TIAM1: variants seen among roughly 807,000 people sequenced by gnomAD.
The protein encoded by TIAM1 is rho guanine nucleotide exchange factor TIAM1.
In TIAM1, 65 loss-of-function variants were observed where a neutral mutation model predicts 163.5. That is an observed-to-expected ratio of 0.40 (90% CI 0.33 to 0.49). The LOEUF is 0.49. Among genes scored for constraint, TIAM1 ranks in the 20% least tolerant of loss-of-function variants. The pLI is 0.77. For synonymous variants in TIAM1, 833 were observed against 810.1 expected, an observed-to-expected ratio of 1.03 and a Z score of -0.48; for missense variants, 1,789 against 2,044.7, an observed-to-expected ratio of 0.87 and a Z score of 2.41.
At chr21:31,496,530 C>A (rs954043412) in intron 1 of TIAM1, among the ~76,000 whole-genome samples, 1 of 146,630 alleles carries the variant, frequency 6.8e-6, no homozygotes, top group Non-Finnish European at 1.5e-5. Flanking sequence ...ATGTTTTAAA[C>A]AGGTTACAAC....
At chr21:31,166,365 G>C (rs926477321) in intron 15 of TIAM1, among the ~76,000 whole-genome samples, 3 of 152,214 alleles carry the variant, frequency 2.0e-5, no homozygotes, top group Non-Finnish European at 4.4e-5. Flanking sequence ...TGATGCTTTA[G>C]ATGAAAGATT....
intron 23 of TIAM1, 84 bp downstream of exon 23, chr21:31,135,849 A>G (rs1019511034): frequency 5.5e-6 from 7 of 1,275,474 alleles, no homozygotes; most frequent in African/African-American, 2.9e-5. Flanking sequence ...TTTTTAATCA[A>G]TTGGGTCTTG....
chr21:31,312,429 T>C (rs2074964206), intron 2 of TIAM1, among the ~76,000 whole-genome samples: 1 of 152,132 alleles, frequency 6.6e-6, no homozygotes, highest in Admixed American at 6.5e-5. Flanking sequence ...ATACGCAGCA[T>C]GTAGTGGCAG....
At chr21:31,524,146 A>T (rs1397578946) in intron 1 of TIAM1, among the ~76,000 whole-genome samples, 2 of 152,168 alleles carry the variant, frequency 1.3e-5, no homozygotes, top group Non-Finnish European at 2.9e-5. Context: ...CATTGCTGTA[A>T]GGAAATACCT....
At chr21:31,176,798 G>A (rs2084785553) in intron 15 of TIAM1, among the ~76,000 whole-genome samples, 1 of 151,762 alleles carries the variant, frequency 6.6e-6, no homozygotes, top group South Asian at 2.1e-4. Flanking sequence ...GGAAGAGTTG[G>A]TGACCTAAGG....
rs752350395 is a variant in TIAM1 at position 31,241,873 on chromosome 21, G to T, written c.1584+3615C>A. Among the ~76,000 whole-genome samples, 3 of 152,074 alleles carry T rather than the reference G, an allele frequency of 2.0e-5. No individual in the cohort carries two copies. The East Asian group carries it at 5.8e-4, about 29-fold the overall frequency. On this transcript the variant is annotated intron_variant, in intron 6 of 27. Coordinates refer to ENST00000541036, the MANE Select transcript of TIAM1 (RefSeq NM_001353694.2). ...TATTTTTAAAAAATCAGCCAGGTGT[G>T]GTGGTGTACACCTGTAGTCCCAGCT...
At chr21:31,140,920 C>G (rs557417944) in intron 22 of TIAM1, among the ~76,000 whole-genome samples, 198 bp downstream of exon 22, 153 of 152,164 alleles carry the variant, frequency 1.0e-3, no homozygotes, top group Non-Finnish European at 1.8e-3. Flanking sequence ...ACATTTCCTA[C>G]AGGAAGAAAT....
upstream of TIAM1, among the ~76,000 whole-genome samples, chr21:31,344,581 AATGT>A (rs1301225440): frequency 6.6e-6 from 1 of 152,226 alleles, no homozygotes; most frequent in Admixed American, 6.5e-5. Context: ...AAAGGCCAGC[AATGT>A]TACATAAGCG....
chr21:31,363,210 C>G (rs927793867), intron 2 of TIAM1, among the ~76,000 whole-genome samples: 3 of 152,082 alleles, frequency 2.0e-5, no homozygotes, highest in African/African-American at 7.2e-5. Flanking sequence ...TCAAGCTGGC[C>G]TGAGAAGAAC....
upstream of TIAM1, among the ~76,000 whole-genome samples, chr21:31,348,967 C>T (rs1363519227): frequency 6.6e-6 from 1 of 152,104 alleles, no homozygotes; most frequent in African/African-American, 2.4e-5. Context: ...AATACAGGGC[C>T]AGCCAAAAAG....
chr21:31,129,821 AG>A (rs776690434), intron 25 of TIAM1, among the ~76,000 whole-genome samples: 13 of 152,216 alleles, frequency 8.5e-5, no homozygotes, highest in South Asian at 2.1e-4. Context: ...CTCAGTTGAA[AG>A]GCAAGTGAGT....
At chr21:31,130,180 T>A in intron 25 of TIAM1, 33 bp downstream of exon 25, 1 of 1,561,366 alleles carries the variant, frequency 6.4e-7, no homozygotes, top group South Asian at 1.1e-5. Context: ...CAGAAATATG[T>A]GTGTGAAATA....
intron 4 of TIAM1, among the ~76,000 whole-genome samples, chr21:31,254,909 G>A (rs2072010559): frequency 6.6e-6 from 1 of 152,144 alleles, no homozygotes; most frequent in African/African-American, 2.4e-5. Context: ...ACTCTCAAGG[G>A]CGTGTCTCAT....
chr21:31,244,006 G>T (rs573747714), intron 6 of TIAM1, among the ~76,000 whole-genome samples: 1 of 152,212 alleles, frequency 6.6e-6, no homozygotes. Context: ...GGTTGGGGAA[G>T]GTGGCTTAGG....
intron 2 of TIAM1, among the ~76,000 whole-genome samples, chr21:31,366,731 C>A (rs2147146242): frequency 6.6e-6 from 1 of 152,338 alleles, no homozygotes; most frequent in Middle Eastern, 3.4e-3. Context: ...ATTCTCCTGC[C>A]TCAACCTCCC....
intron 2 of TIAM1, among the ~76,000 whole-genome samples, chr21:31,461,249 C>T (rs1167674788): frequency 6.6e-6 from 1 of 151,896 alleles, no homozygotes; most frequent in African/African-American, 2.4e-5. Flanking sequence ...TTTGCGAGGC[C>T]GAGGCGGGCA....
Position 31,225,908 on chromosome 21 carries a change from G to C in TIAM1, c.1627C>G (p.His543Asp). 1 of 1,614,138 alleles carries C rather than the reference G, an allele frequency of 6.2e-7. No homozygotes were observed. Among genetic ancestry groups the C allele is most frequent in the Non-Finnish European group, 8.5e-7 (1 of 1,180,038 alleles). Residue 543 changes from histidine to aspartate, a missense_variant, in exon 7 of 28, where the codon CAC becomes GAC. His to Asp is a moderately conservative substitution (Grantham distance 81, BLOSUM62 -1). This residue lies in a region of TIAM1 where 456 missense variants were observed against 586.6 expected (regional missense o/e 0.78). Transcript: ENST00000541036. ...GCGACCGCAGTGGCGCAGGCAGAGT[G>C]GATGGCGGTGATCCAGTTTTCAAGC... Reference protein sequence around the residue: ...TELENWITAIHSACATAVARH... With the variant: ...TELENWITAIDSACATAVARH...
At chr21:31,241,494 G>A (rs1002617638) in intron 6 of TIAM1, among the ~76,000 whole-genome samples, 2 of 152,166 alleles carry the variant, frequency 1.3e-5, no homozygotes, top group Admixed American at 1.3e-4. Context: ...AACTAGCTGA[G>A]CAGAGACTTC....
intron 2 of TIAM1, among the ~76,000 whole-genome samples, chr21:31,457,941 T>G (rs1395236242): frequency 6.6e-6 from 1 of 152,160 alleles, no homozygotes; most frequent in Non-Finnish European, 1.5e-5. Flanking sequence ...CCACAAAGTA[T>G]CCAGCCCACA....
Sources: gnomAD v4.1 joint callset for allele counts (sites outside exome capture counted in the v4.1 genomes callset) on GRCh38, gnomAD v4.1.1 for gene constraint, gnomAD v4.1.1 regional missense constraint, MANE v1.5 for transcripts, NCBI Gene and HGNC (gene_info 2026-07-23, HGNC 2026-07-21) for gene names.